The following CDHR5 variants were observed in gnomAD, a reference collection of about 807,000 sequenced individuals.
CDHR5 encodes cadherin related family member 5, also known as cadherin-related family member 5.
Under a neutral mutation model 69.5 loss-of-function variants are expected in CDHR5, and 82 were observed. That is an observed-to-expected ratio of 1.18 (90% CI 0.99 to 1.42). The LOEUF (loss-of-function observed/expected upper bound fraction) is 1.42, where lower values mean the gene tolerates loss of function less well. Among genes scored for constraint, CDHR5 ranks in the 40% most tolerant of loss-of-function variants. The pLI is 0.00. For synonymous variants in CDHR5, 601 were observed against 510.2 expected (o/e 1.18, Z -2.40); for missense variants, 1,293 against 1,168.9 (o/e 1.11, Z -1.55).
chr11:621,000 C>T, intron 7 of CDHR5, 80 bp downstream of exon 7: 5 of 657,196 alleles, frequency 7.6e-6, no homozygotes, highest in Non-Finnish European at 1.2e-5. Context: ...CCCCGCCCTT[C>T]CTCTCCTGAT....
At position 621,257 on chromosome 11, in the gene CDHR5, C is replaced by T. The variant is rs375082553; in HGVS notation, c.619-7G>A. 10 of 1,602,590 alleles carry T rather than the reference C, an allele frequency of 6.2e-6. No individual in the cohort carries two copies. Among genetic ancestry groups the T allele is most frequent in the Non-Finnish European group, 8.5e-6 (10 of 1,172,892 alleles). On this transcript the variant is annotated splice_region_variant and splice_polypyrimidine_tract_variant and intron_variant, in intron 6 of 14. Coordinates refer to ENST00000397542, the MANE Select transcript of CDHR5 (RefSeq NM_021924.5). The surrounding 1 kb of genome is among the most constrained non-coding windows in gnomAD (Gnocchi z 4.4). Reference sequence around the variant, plus strand: ...CATTCTCCCCCGGAGTGTCCTGCAACAGACGGCTGTGCTGGATCAGGCCTG... The same window carrying T: ...CATTCTCCCCCGGAGTGTCCTGCAATAGACGGCTGTGCTGGATCAGGCCTG...
At chr11:619,226 G>A in intron 12 of CDHR5, 46 bp from the exon 13 acceptor site, 3 of 1,468,234 alleles carry the variant, frequency 2.0e-6, no homozygotes, top group South Asian at 2.4e-5. Flanking sequence ...CCCGCCCCTT[G>A]CACACCTACC....
chr11:618,305 C>T (rs1254500516), intron 13 of CDHR5, among the ~76,000 whole-genome samples, 194 bp from the exon 14 acceptor site: 3 of 152,214 alleles, frequency 2.0e-5, no homozygotes, highest in Non-Finnish European at 2.9e-5. Context: ...CCCTCCCCCC[C>T]GGGAGGCCAA....
chr11:619,343 A>T lies in CDHR5; in HGVS notation c.1341T>A (p.Ile447=), dbSNP rs1365877258. The T allele has an allele frequency of 2.5e-6, 4 of 1,613,082 alleles. No individual in the cohort carries two copies. Among genetic ancestry groups the T allele is most frequent in the Non-Finnish European group, 3.4e-6 (4 of 1,179,466 alleles). The change falls in exon 12 of 15, where the codon ATT becomes ATA. Residue 447 remains isoleucine, a synonymous_variant. Transcript: ENST00000397542. ...TVTSGTATTV[I]EIQVSEQEPP... ...GCTCCTGTTCGGAAACTTGTATCTC[A>T]ATGACTGTGGTTGCGGTGCCAGAGG...
chr11:620,693 C>T (rs959646606), intron 7 of CDHR5, among the ~76,000 whole-genome samples: 1 of 152,168 alleles, frequency 6.6e-6, no homozygotes, highest in Admixed American at 6.5e-5. Flanking sequence ...GCATTTCTGC[C>T]TCCCATGTAC....
rs141763513 is a variant in CDHR5 at position 619,062 on chromosome 11, G to A, written c.1497C>T (p.Gly499=). ...TGCCAGAGGGTGGATGAGGGCCTGT[G>A]CCTCCCCCAGAGCTGGTCGTGGAGG... ...QGPSTTSSGG[G]TGPHPPSGTT... Residue 499 remains glycine (G), a synonymous_variant, in exon 13 of 15, where the codon GGC becomes GGT. Coordinates refer to ENST00000397542, the MANE Select transcript of CDHR5 (RefSeq NM_021924.5). The A allele has an allele frequency of 3.1e-4, 497 of 1,612,826 alleles. No individual in the cohort carries two copies. Among genetic ancestry groups the A allele is most frequent in the Non-Finnish European group, 3.8e-4 (445 of 1,179,788 alleles).
intron 12 of CDHR5, 39 bp from the exon 13 acceptor site, chr11:619,219 G>T: frequency 6.8e-7 from 1 of 1,466,828 alleles, no homozygotes; most frequent in Non-Finnish European, 9.3e-7. Flanking sequence ...GCCTCTGCCC[G>T]CCCCTTGCAC....
At chr11:622,451 T>C (rs1857469591) in intron 3 of CDHR5, among the ~76,000 whole-genome samples, 1 of 151,916 alleles carries the variant, frequency 6.6e-6, no homozygotes, top group Admixed American at 6.6e-5. Context: ...TTTTTGTTTT[T>C]GTTTTTTGGT....
At position 616,807 on chromosome 11, in the gene CDHR5, A is replaced by C. The variant is rs1314158414; in HGVS notation, c.*544T>G. 5 of 161,750 alleles carry C rather than the reference A, an allele frequency of 3.1e-5. No homozygotes were observed. Among genetic ancestry groups the C allele is most frequent in the South Asian group, 1.5e-4 (1 of 6,650 alleles). The allele number at this position is 161,750 out of a possible 1,614,324, so 10.0% of individuals were successfully genotyped here. Reference sequence around the variant, plus strand: ...GTCCAGGTCACTGGGCAGGGTGTTTACTGCTGCGCTCCAACCCAAGCATGT... The same window carrying C: ...GTCCAGGTCACTGGGCAGGGTGTTTCCTGCTGCGCTCCAACCCAAGCATGT... On this transcript the variant is annotated 3_prime_UTR_variant, in exon 15 of 15. Coordinates refer to ENST00000397542, the MANE Select transcript of CDHR5 (RefSeq NM_021924.5).
chr11:617,906 C>T, intron 14 of CDHR5, 48 bp downstream of exon 14: 2 of 1,590,184 alleles, frequency 1.3e-6, no homozygotes, highest in Non-Finnish European at 1.7e-6. Context: ...TCCCCCGTCC[C>T]CCACTTCCTG....
Position 624,240 on chromosome 11 carries a change from C to A in CDHR5, c.285G>T (p.Gln95His), listed in dbSNP as rs1228102203. 2 of 771,458 alleles carry A rather than the reference C, an allele frequency of 2.6e-6. No homozygotes were observed. Among genetic ancestry groups the A allele is most frequent in the Non-Finnish European group, 4.8e-6 (2 of 414,314 alleles). The allele number at this position is 771,458 out of a possible 1,614,324, so 47.8% of individuals were successfully genotyped here. ...ATGTGCCTCCGCTCTGACACAGCAG[C>A]TGAGCCTCAAGCAGTGACTTCTCCT... The part of the protein sequence containing the change: ...DYEEKSLLEA[Q>H]LLCQSGGTLV... The change falls in exon 3 of 15, where the codon CAG becomes CAT. Residue 95 changes from glutamine (Q) to histidine (H), a missense_variant. Coordinates refer to ENST00000397542, the MANE Select transcript of CDHR5 (RefSeq NM_021924.5). This position sits in a 1 kb window ranked among gnomAD's most constrained non-coding sequence, Gnocchi z 5.3.
At position 617,228 on chromosome 11, in the gene CDHR5, G is replaced by C; in HGVS notation, c.*123C>G. ...GAGTGAATGGGACCCCCATGGACCC[G>C]CGCGCCTGCCCCACGCCATGGCCTG... On this transcript the variant is annotated 3_prime_UTR_variant, in exon 15 of 15. Transcript: ENST00000397542. 1.4e-6 allele frequency: 1 copy of C among 725,496 alleles called. No individual in the cohort carries two copies. The highest frequency in any genetic ancestry group is 2.3e-6 in the Non-Finnish European group (1 of 434,198). 44.9% of individuals were successfully genotyped at this position (725,496 alleles called of 1,614,324 possible).
chr11:619,332 A>G lies in CDHR5; in HGVS notation c.1352T>C (p.Val451Ala), dbSNP rs1857208712. The G allele has an allele frequency of 1.2e-6, 2 of 1,613,032 alleles. No homozygotes were observed. Among genetic ancestry groups the G allele is most frequent in the Admixed American group, 3.3e-5 (2 of 59,968 alleles). ...GTATTVIEIQ[V>A]SEQEPPSTDV... ...TGTGGAGGGGGGCTCCTGTTCGGAA[A>G]CTTGTATCTCAATGACTGTGGTTGC... Residue 451 changes from valine (V) to alanine (A), a missense_variant, in exon 12 of 15, where the codon GTT becomes GCT. Transcript: ENST00000397542.
chr11:618,858 A>G lies in CDHR5; in HGVS notation c.1701T>C (p.Ser567=). The change falls in exon 13 of 15, where the codon AGT becomes AGC. Residue 567 remains serine (S), a synonymous_variant. Transcript: ENST00000397542. ...TSTSHQPATP[S]GGTAQTPEPG... is the part of the protein sequence containing the mutation. ...GCTCTGGGGTCTGTGCTGTGCCCCC[A>G]CTGGGTGTGGCTGGTTGGTGGGAGG... is the stretch of plus-strand genomic sequence containing the variant. The G allele has an allele frequency of 1.2e-6, 2 of 1,605,498 alleles. No individual in the cohort carries two copies. Among genetic ancestry groups the G allele is most frequent in the Non-Finnish European group, 8.5e-7 (1 of 1,178,440 alleles).
Position 618,989 on chromosome 11 carries a change from C to T in CDHR5, c.1570G>A (p.Ala524Thr), listed in dbSNP as rs1187379566. 1.2e-6 allele frequency: 2 copies of T among 1,613,264 alleles called. No homozygotes were observed. The highest frequency in any genetic ancestry group is 1.7e-6 in the Non-Finnish European group (2 of 1,179,680). The change falls in exon 13 of 15, where the codon GCA becomes ACA. Residue 524 changes from alanine (A) to threonine (T), a missense_variant. Transcript: ENST00000397542. ...TSSTPGGPPG[A>T]ENSTSHQPAT... Reference sequence around the variant, plus strand: ...GGTTGGTGGGAGGTGCTGTTTTCTGCACCCGGGGGCCCCCCGGGTGTGGAC... The same window carrying T: ...GGTTGGTGGGAGGTGCTGTTTTCTGTACCCGGGGGCCCCCCGGGTGTGGAC...
intron 8 of CDHR5, 65 bp from the exon 9 acceptor site, chr11:620,229 C>T (rs1033274021): frequency 6.3e-7 from 1 of 1,587,622 alleles, no homozygotes; most frequent in Non-Finnish European, 8.6e-7. Flanking sequence ...CCAGCTCTGC[C>T]CAAGGTGGGG....
In CDHR5 at chr11:621,311, T is replaced by C. The variant is rs368935799; in HGVS notation, c.618+34A>G. On this transcript the variant is annotated intron_variant, in intron 6 of 14. Coordinates refer to ENST00000397542, the MANE Select transcript of CDHR5 (RefSeq NM_021924.5). This position sits in a 1 kb window ranked among gnomAD's most constrained non-coding sequence, Gnocchi z 4.4. ...GCAGCTGGGGCCGGGGGGCCTCAAG[T>C]GTGTGGGACTCGGGGCTGGGGTGAC... 2 of 1,611,586 alleles carry C rather than the reference T, an allele frequency of 1.2e-6. No homozygotes were observed. The highest frequency in any genetic ancestry group is 2.7e-5 in the African/African-American group (2 of 74,804).
rs1303829132 is a variant in CDHR5, at chr11:624,365, C to G, written c.262-102G>C. The stretch of plus-strand genomic sequence containing the variant: ...GCCCAGGGTCCCCATCATCAGTGGT[C>G]AGTGCTGAGGGTGTGGGCCCAGGCA... On this transcript the variant is annotated intron_variant, in intron 2 of 14. Coordinates refer to ENST00000397542, the MANE Select transcript of CDHR5 (RefSeq NM_021924.5). The surrounding 1 kb of genome is among the most constrained non-coding windows in gnomAD (Gnocchi z 5.3). 1 of 738,024 alleles carries G rather than the reference C, an allele frequency of 1.4e-6. No individual in the cohort carries two copies. 45.7% of individuals were successfully genotyped at this position (738,024 alleles called of 1,614,324 possible).
chr11:617,529 C>T lies in CDHR5; in HGVS notation c.2360G>A (p.Gly787Glu). 1.9e-6 allele frequency: 3 copies of T among 1,612,532 alleles called. No individual in the cohort carries two copies. Among genetic ancestry groups the T allele is most frequent in the Non-Finnish European group, 2.5e-6 (3 of 1,179,770 alleles). Residue 787 changes from glycine (G) to glutamate (E), a missense_variant, in exon 15 of 15, where the codon GGG becomes GAG. Physicochemically the swap from Gly to Glu is moderately conservative, Grantham distance 98. Coordinates refer to ENST00000397542, the MANE Select transcript of CDHR5 (RefSeq NM_021924.5). ...CTCGCCAAACCAGACAGCCTTGTAC[C>T]CGCCCTCCGGCCGCCGCTCCTTGGT... ...ILTKERRPEG[G>E]YKAVWFGEDI...
Sources: gnomAD v4.1 joint callset for allele counts (sites outside exome capture counted in the v4.1 genomes callset) on GRCh38, gnomAD v4.1.1 for gene constraint, Gnocchi (gnomAD v3.1) non-coding constraint, MANE v1.5 for transcripts, NCBI Gene and HGNC (gene_info 2026-07-23, HGNC 2026-07-21) for gene names.